Variants in EFCC1 observed in about 807,000 individuals in gnomAD.
The protein encoded by EFCC1 is EF-hand and coiled-coil domain-containing protein 1.
In EFCC1, 50 loss-of-function variants were observed where a neutral mutation model predicts 52.1. That is an observed-to-expected ratio of 0.96 (90% CI 0.76 to 1.21). EFCC1 has a LOEUF of 1.21. Among genes scored for constraint, EFCC1 ranks in the 50% most tolerant of loss-of-function variants. The pLI is 0.00. For missense variants in EFCC1, 837 were observed against 867.3 expected (o/e 0.97, Z 0.44); for synonymous variants, 399 against 396.5 (o/e 1.01, Z -0.08).
intron 2 of EFCC1, among the ~76,000 whole-genome samples, chr3:129,029,242 A>G (rs1241425899): frequency 1.3e-5 from 2 of 152,218 alleles, no homozygotes; most frequent in African/African-American, 4.8e-5. Flanking sequence ...TGGCCCATTT[A>G]TTAGTGAATA....
At chr3:129,035,282 G>A (rs921248508) in intron 5 of EFCC1, among the ~76,000 whole-genome samples, 97 of 152,336 alleles carry the variant, frequency 6.4e-4, no homozygotes, top group African/African-American at 2.2e-3. Flanking sequence ...GTGCTGATGT[G>A]CTCTGTCTTA....
intron 7 of EFCC1, among the ~76,000 whole-genome samples, chr3:129,039,398 G>T (rs900791313): frequency 6.6e-6 from 1 of 152,194 alleles, no homozygotes; most frequent in Non-Finnish European, 1.5e-5. Flanking sequence ...CCTGCCTCAC[G>T]GGTCTTCACA....
intron 2 of EFCC1, among the ~76,000 whole-genome samples, chr3:129,017,131 C>T (rs1945620921): frequency 6.6e-6 from 1 of 152,214 alleles, no homozygotes; most frequent in African/African-American, 2.4e-5. Flanking sequence ...GCAGACTTCC[C>T]CTCACCTCTC....
intron 3 of EFCC1, among the ~76,000 whole-genome samples, chr3:129,032,191 G>C (rs1946286160): frequency 6.6e-6 from 1 of 152,186 alleles, no homozygotes; most frequent in Admixed American, 6.5e-5. Flanking sequence ...GTAGTTCCCT[G>C]AGCATTGAAA....
intron 2 of EFCC1, among the ~76,000 whole-genome samples, chr3:129,017,429 G>A (rs1172907793): frequency 5.9e-5 from 9 of 152,304 alleles, no homozygotes; most frequent in Admixed American, 4.6e-4. Context: ...CGGGCGTGGC[G>A]GGCTTCTCTG....
chr3:129,024,489 C>T (rs528208855), intron 2 of EFCC1, among the ~76,000 whole-genome samples: 39 of 151,810 alleles, frequency 2.6e-4, no homozygotes, highest in Admixed American at 4.6e-4. Flanking sequence ...CGAGATTGCA[C>T]CACTGCACTC....
intron 2 of EFCC1, among the ~76,000 whole-genome samples, chr3:129,017,987 T>C (rs1377289154): frequency 6.6e-6 from 1 of 152,146 alleles, no homozygotes; most frequent in East Asian, 1.9e-4. Flanking sequence ...ATGCTGCTCA[T>C]TGAAGCAAGA....
At chr3:129,015,890 G>A (rs1480656315) in intron 2 of EFCC1, among the ~76,000 whole-genome samples, 5 of 152,126 alleles carry the variant, frequency 3.3e-5, no homozygotes, top group African/African-American at 9.7e-5. Context: ...AAAGGAAGCC[G>A]CTGTGTGCGA....
intron 5 of EFCC1, among the ~76,000 whole-genome samples, chr3:129,036,561 G>C (rs1039982971): frequency 1.3e-4 from 20 of 152,236 alleles, no homozygotes; most frequent in African/African-American, 3.6e-4. Flanking sequence ...GGGATGGCTG[G>C]AGAGGGTCTT....
Position 129,009,178 on chromosome 3 carries a change from TTC to T in EFCC1, c.980+5109_980+5110del, listed in dbSNP as rs1945207723. Among the ~76,000 whole-genome samples the T allele has an allele frequency of 1.3e-5, 2 of 152,174 alleles. 1 individual carries two copies. Among genetic ancestry groups the T allele is most frequent in the South Asian group, 4.1e-4 (2 of 4,838 alleles). On this transcript the variant is annotated intron_variant, in intron 2 of 7. Transcript: ENST00000683648. ...CTCCACCTTTCTTCTCTCCTCTGTT[TTC>T]TCTCTCTTTTCTTCCTTTCTATCAT...
intron 2 of EFCC1, among the ~76,000 whole-genome samples, chr3:129,027,334 C>T (rs1023325961): frequency 6.6e-6 from 1 of 152,162 alleles, no homozygotes; most frequent in Non-Finnish European, 1.5e-5. Context: ...GGCGCCCGTG[C>T]CCCGTTTGGG....
Position 129,037,009 on chromosome 3 carries a change from G to A in EFCC1, c.1485G>A (p.Glu495=), listed in dbSNP as rs1002760822. 6 of 1,613,982 alleles carry A rather than the reference G, an allele frequency of 3.7e-6. No individual in the cohort carries two copies. Among genetic ancestry groups the A allele is most frequent in the Non-Finnish European group, 5.1e-6 (6 of 1,180,004 alleles). ...TGCAGCAGAAGGTGGAAGAGAATGA[G>A]CACCTGAGGCTGGAGCTGCAGATGG... is the stretch of plus-strand genomic sequence containing the variant. ...AELQQKVEEN[E]HLRLELQMVE... Residue 495 remains glutamate, a synonymous_variant, in exon 6 of 8, where the codon GAG becomes GAA. Transcript: ENST00000683648.
Position 129,030,774 on chromosome 3 carries a change from A to T in EFCC1, c.1052A>T (p.Glu351Val), listed in dbSNP as rs1265579994. Residue 351 changes from glutamate to valine, a missense_variant, in exon 3 of 8, where the codon GAA (glutamate) becomes GTA (valine). Transcript: ENST00000683648. ...CCAGGAGACAAGAGTAATGAACCTGAAGATGCTGGGACCAGAGACCCAGAC... is the reference window on the plus strand; with the variant it reads ...CCAGGAGACAAGAGTAATGAACCTGTAGATGCTGGGACCAGAGACCCAGAC... Reference protein sequence around the residue: ...PEPGDKSNEPEDAGTRDPDPT... With the variant: ...PEPGDKSNEPVDAGTRDPDPT... 6.4e-7 allele frequency: 1 copy of T among 1,551,652 alleles called. No homozygotes were observed. The highest frequency in any genetic ancestry group is 8.7e-7 in the Non-Finnish European group (1 of 1,146,978).
In EFCC1 at chr3:129,038,851, G is replaced by C; in HGVS notation, c.1614G>C (p.Leu538=). The stretch of plus-strand genomic sequence containing the variant: ...TTAAGAACATATCGAAAAGAGCCCT[G>C]GGGAAGATTTTGCTGAGCACGCTGG... ...LRDLNISKRA[L]GKILLSTLDA... Residue 538 remains leucine (L), a synonymous_variant, in exon 7 of 8, where the codon CTG becomes CTC. Transcript: ENST00000683648. The C allele has an allele frequency of 6.2e-7, 1 of 1,613,926 alleles. No individual in the cohort carries two copies. The highest frequency in any genetic ancestry group is 1.7e-4 in the Middle Eastern group (1 of 5,900).
rs979811606 is a variant in EFCC1, at chr3:129,002,041, C to T, written c.413C>T (p.Pro138Leu). 13 of 1,543,436 alleles carry T rather than the reference C, an allele frequency of 8.4e-6. No homozygotes were observed. In the East Asian group the frequency reaches 2.2e-4, roughly 27 times the overall value. ...CGCCTGGCGCTGCGCGCCGAGCCGCCGGAGCTCACCTTCCGCCAGTTCCAC... is the reference window on the plus strand; with the variant it reads ...CGCCTGGCGCTGCGCGCCGAGCCGCTGGAGCTCACCTTCCGCCAGTTCCAC... ...EARLALRAEP[P>L]ELTFRQFHAR... Residue 138 changes from proline to leucine, a missense_variant, in exon 1 of 8, where the codon CCG (proline) becomes CTG (leucine). By Grantham distance (98) the Pro-to-Leu change is moderately conservative. Transcript: ENST00000683648.
At chr3:129,016,992 A>C (rs1278742654) in intron 2 of EFCC1, among the ~76,000 whole-genome samples, 1 of 152,184 alleles carries the variant, frequency 6.6e-6, no homozygotes, top group East Asian at 1.9e-4. Context: ...TAAAGTTTTC[A>C]AGGACCTGAT....
intron 1 of EFCC1, chr3:129,003,208 C>A: frequency 1.0e-6 from 1 of 985,320 alleles, no homozygotes; most frequent in South Asian, 4.7e-5. Flanking sequence ...CGGGAAACTA[C>A]TCCTCTGATG....
chr3:129,024,135 A>AT (rs538452973), intron 2 of EFCC1, among the ~76,000 whole-genome samples: 61 of 152,354 alleles, frequency 4.0e-4, no homozygotes, highest in African/African-American at 1.5e-3. Context: ...GAGAAACACC[A>AT]TAACACACCA....
At chr3:129,011,793 C>T (rs1288120333) in intron 2 of EFCC1, among the ~76,000 whole-genome samples, 1 of 152,262 alleles carries the variant, frequency 6.6e-6, no homozygotes, top group East Asian at 1.9e-4. Context: ...ACACTTTGGG[C>T]TGACAGCTCA....
Sources: gnomAD v4.1 joint callset for allele counts (sites outside exome capture counted in the v4.1 genomes callset) on GRCh38, gnomAD v4.1.1 for gene constraint, MANE v1.5 for transcripts, NCBI Gene and HGNC (gene_info 2026-07-23, HGNC 2026-07-21) for gene names.